ATF7IP2: variants seen among roughly 807,000 people sequenced by gnomAD.
ATF7IP2 encodes activating transcription factor 7 interacting protein 2, also known as activating transcription factor 7-interacting protein 2.
Under a neutral mutation model 64.2 loss-of-function variants are expected in ATF7IP2, and 42 were observed. The ratio of observed to expected loss-of-function variants is 0.65; its 90% CI spans 0.51 to 0.85. The LOEUF is 0.85. Among genes scored for constraint, ATF7IP2 ranks in the 40% least tolerant of loss-of-function variants. The probability of loss-of-function intolerance (pLI) is 0.00; values close to 1 mark genes in which losing one functional copy is unlikely to be tolerated. For synonymous variants in ATF7IP2, 308 were observed against 272.8 expected, an observed-to-expected ratio of 1.13 and a Z score of -1.27; for missense variants, 933 against 784.2, an observed-to-expected ratio of 1.19 and a Z score of -2.27.
intron 12 of ATF7IP2, among the ~76,000 whole-genome samples, chr16:10,475,722 G>GAAA (rs386384218): frequency 0.012 from 494 of 41,608 alleles, 6 homozygotes; most frequent in Non-Finnish European, 0.016. Context: ...TAAGAAGCCA[G>GAAA]AAAAAAAAAA....
At chr16:10,387,064 T>C (rs930158715) in intron 1 of ATF7IP2, 2 of 152,226 alleles carry the variant, frequency 1.3e-5, no homozygotes, top group Non-Finnish European at 1.5e-5. Flanking sequence ...TTAGAAAAAT[T>C]ATGTCATATT....
At chr16:10,475,173 G>A (rs184956274) in intron 12 of ATF7IP2, among the ~76,000 whole-genome samples, 4 of 152,206 alleles carry the variant, frequency 2.6e-5, no homozygotes, top group Middle Eastern at 3.2e-3. Context: ...AAACTATATT[G>A]TAGAATGTAT....
Position 10,472,094 on chromosome 16 carries a change from CTTTTT to C in ATF7IP2, c.1353-15_1353-11del. On this transcript the variant is annotated splice_polypyrimidine_tract_variant and intron_variant, in intron 9 of 13. Coordinates refer to ENST00000562102, the MANE Select transcript of ATF7IP2 (RefSeq NM_001393719.1). The stretch of plus-strand genomic sequence containing the variant: ...CATGTTTAGTTTTTGTTTTTAATTT[CTTTTT>C]ATCATTTTAGTAACAATGATGATGT... 6.9e-7 allele frequency: 1 copy of C among 1,459,314 alleles called. No homozygotes were observed. The highest frequency in any genetic ancestry group is 9.4e-7 in the Non-Finnish European group (1 of 1,059,180). 90.4% of individuals were successfully genotyped at this position (1,459,314 alleles called of 1,614,324 possible).
chr16:10,403,736 GAAATTTACCAAGGAAATAGATATC>G (rs2047580710), intron 1 of ATF7IP2, among the ~76,000 whole-genome samples: 1 of 152,104 alleles, frequency 6.6e-6, no homozygotes, highest in African/African-American at 2.4e-5. Flanking sequence ...ATATGAATGA[GAAATTTACCAAGGAAATAGATATC>G]TTTTCGTAAA....
rs1008227189 is a variant in ATF7IP2 at position 10,428,922 on chromosome 16, G to T, written c.-105G>T. On this transcript the variant is annotated 5_prime_UTR_variant, in exon 4 of 14. Coordinates refer to ENST00000562102, the MANE Select transcript of ATF7IP2 (RefSeq NM_001393719.1). Reference sequence around the variant, plus strand: ...ACGGTCTCACTCTGTCACCCTTGCTGGAGTGCAGTGGTGCAATCACAGATC... The same window carrying T: ...ACGGTCTCACTCTGTCACCCTTGCTTGAGTGCAGTGGTGCAATCACAGATC... 6.6e-6 allele frequency: 1 copy of T among 151,356 alleles called. No homozygotes were observed. The highest frequency in any genetic ancestry group is 2.1e-4 in the South Asian group (1 of 4,780). The allele number at this position is 151,356 out of a possible 1,614,324, so 9.4% of individuals were successfully genotyped here.
At chr16:10,436,342 A>G (rs1475315426) in intron 6 of ATF7IP2, among the ~76,000 whole-genome samples, 1 of 152,142 alleles carries the variant, frequency 6.6e-6, no homozygotes, top group East Asian at 1.9e-4. Context: ...AGCCTGAGCA[A>G]CAGAGCGAGA....
At chr16:10,402,588 C>G (rs1246754683) in intron 1 of ATF7IP2, among the ~76,000 whole-genome samples, 1 of 152,154 alleles carries the variant, frequency 6.6e-6, no homozygotes, top group East Asian at 1.9e-4. Context: ...CTCAGCCTCC[C>G]AACTAGCTGG....
intron 1 of ATF7IP2, among the ~76,000 whole-genome samples, chr16:10,394,697 T>A (rs2047390364): frequency 6.6e-6 from 1 of 151,974 alleles, no homozygotes; most frequent in Non-Finnish European, 1.5e-5. Flanking sequence ...AAATCAGAAA[T>A]CAGTACTAAA....
intron 8 of ATF7IP2, chr16:10,445,428 T>C (rs147316878): frequency 6.8e-4 from 104 of 152,344 alleles, no homozygotes; most frequent in African/African-American, 2.5e-3. Flanking sequence ...GTTATTTCCT[T>C]GACTTTCAAA....
At position 10,472,152 on chromosome 16, in the gene ATF7IP2, T is replaced by C; in HGVS notation, c.1395T>C (p.Asn465=). 1 of 1,575,138 alleles carries C rather than the reference T, an allele frequency of 6.3e-7. No homozygotes were observed. The highest frequency in any genetic ancestry group is 8.7e-7 in the Non-Finnish European group (1 of 1,153,314). ...DVMLISVESP[N]LTTPITSNPT... is the part of the protein sequence containing the mutation. Reference sequence around the variant, plus strand: ...TGTTGATTTCTGTGGAAAGTCCTAATTTGACAACTCCAATTACATCAAATC... The same window carrying C: ...TGTTGATTTCTGTGGAAAGTCCTAACTTGACAACTCCAATTACATCAAATC... The change falls in exon 10 of 14, where the codon AAT becomes AAC. Residue 465 remains asparagine (N), a synonymous_variant. Transcript: ENST00000562102.
intron 1 of ATF7IP2, among the ~76,000 whole-genome samples, chr16:10,402,590 A>G (rs1382727841): frequency 6.6e-6 from 1 of 151,944 alleles, no homozygotes; most frequent in Non-Finnish European, 1.5e-5. Flanking sequence ...CAGCCTCCCA[A>G]CTAGCTGGGA....
At chr16:10,429,716 T>TTTTATTTTATTTTATTTTATTTTA (rs2048178910) in intron 4 of ATF7IP2, among the ~76,000 whole-genome samples, 1 of 143,168 alleles carries the variant, frequency 7.0e-6, no homozygotes, top group East Asian at 2.0e-4. Flanking sequence ...TTTTATTTTA[T>TTTTATTTTATTTTATTTTATTTTA]TTTATTTTAT....
At chr16:10,445,036 C>T (rs144677874) in intron 8 of ATF7IP2, among the ~76,000 whole-genome samples, 111 of 152,204 alleles carry the variant, frequency 7.3e-4, no homozygotes, top group African/African-American at 2.4e-3. Flanking sequence ...GACGTCTTCC[C>T]GCAAGTGGTG....
At chr16:10,446,220 T>C (rs1020408747) in intron 8 of ATF7IP2, 3 of 152,338 alleles carry the variant, frequency 2.0e-5, no homozygotes, top group Admixed American at 2.0e-4. Flanking sequence ...ATTAATTAAA[T>C]CTAAACACTC....
At chr16:10,475,740 A>C (rs1184460082) in intron 12 of ATF7IP2, among the ~76,000 whole-genome samples, 1 of 150,728 alleles carries the variant, frequency 6.6e-6, no homozygotes, top group Non-Finnish European at 1.5e-5. Flanking sequence ...AAAAAAAAAA[A>C]AAAACAGAGA....
At chr16:10,446,312 A>G (rs770111970) in intron 8 of ATF7IP2, 5 of 152,238 alleles carry the variant, frequency 3.3e-5, no homozygotes, top group Admixed American at 1.3e-4. Flanking sequence ...GTGTTAAATA[A>G]TCTCTAACAG....
intron 12 of ATF7IP2, among the ~76,000 whole-genome samples, chr16:10,476,084 T>G (rs2049998268): frequency 6.6e-6 from 1 of 152,218 alleles, no homozygotes; most frequent in Admixed American, 6.5e-5. Flanking sequence ...ATTTTAAATA[T>G]TCAGCTGTTG....
chr16:10,391,821 G>T (rs555117816), intron 1 of ATF7IP2, among the ~76,000 whole-genome samples: 3 of 151,756 alleles, frequency 2.0e-5, no homozygotes, highest in East Asian at 2.0e-4. Context: ...GCTTAAACCC[G>T]GGAGGTGGAG....
intron 7 of ATF7IP2, among the ~76,000 whole-genome samples, chr16:10,439,739 G>A (rs2048548572): frequency 7.1e-6 from 1 of 140,126 alleles, no homozygotes; most frequent in South Asian, 2.3e-4. Flanking sequence ...TCTCCATGTT[G>A]GTCAGGCTGG....
Sources: gnomAD v4.1 joint callset for allele counts (sites outside exome capture counted in the v4.1 genomes callset) on GRCh38, gnomAD v4.1.1 for gene constraint, MANE v1.5 for transcripts, NCBI Gene and HGNC (gene_info 2026-07-23, HGNC 2026-07-21) for gene names.